Variants in NAV2 observed in about 807,000 individuals in gnomAD.
NAV2 encodes helicase, APC down-regulated 1.
In NAV2, 54 loss-of-function variants were observed where a neutral mutation model predicts 223.2. That is an observed-to-expected ratio of 0.24 (90% CI 0.19 to 0.30). The LOEUF (loss-of-function observed/expected upper bound fraction) is 0.30. Ranked by LOEUF, NAV2 falls within the 10% of genes least tolerant of loss-of-function variation. The pLI is 1.00. For synonymous variants in NAV2, 1,279 were observed against 1,239.3 expected (o/e 1.03, Z -0.67); for missense variants, 2,806 against 3,147.5 (o/e 0.89, Z 2.60).
intron 1 of NAV2, among the ~76,000 whole-genome samples, chr11:19,811,887 G>C (rs2058852576): frequency 6.6e-6 from 1 of 152,144 alleles, no homozygotes; most frequent in Non-Finnish European, 1.5e-5. Context: ...CTGGTCTAGT[G>C]GCTGAGAACT....
intron 3 of NAV2, among the ~76,000 whole-genome samples, chr11:19,859,906 C>G (rs867421605): frequency 0.057 from 7,509 of 132,812 alleles, 159 homozygotes; most frequent in Admixed American, 0.091. Flanking sequence ...GGGCGGCTGG[C>G]CGGGCAGAGG....
intron 1 of NAV2, among the ~76,000 whole-genome samples, chr11:19,608,233 T>C (rs1405040485): frequency 6.6e-6 from 1 of 152,200 alleles, no homozygotes; most frequent in Non-Finnish European, 1.5e-5. Context: ...TGCACGAACA[T>C]AGGTGTGTTC....
At chr11:19,682,772 C>G (rs1376609963) in intron 1 of NAV2, among the ~76,000 whole-genome samples, 3 of 152,196 alleles carry the variant, frequency 2.0e-5, no homozygotes, top group Non-Finnish European at 4.4e-5. Context: ...TGAGAACACA[C>G]TATCAGGAGT....
At chr11:19,440,380 G>T (rs897829796) in intron 1 of NAV2, among the ~76,000 whole-genome samples, 1 of 152,160 alleles carries the variant, frequency 6.6e-6, no homozygotes, top group Admixed American at 6.5e-5. Context: ...TTCAGGATGA[G>T]TTGGAGTTAG....
chr11:20,015,350 T>C (rs2053916712), intron 11 of NAV2, among the ~76,000 whole-genome samples: 2 of 152,292 alleles, frequency 1.3e-5, no homozygotes, highest in East Asian at 1.9e-4. Flanking sequence ...TGGGGTTTTA[T>C]GGGGTAATCT....
chr11:19,649,951 C>T (rs951035239), intron 1 of NAV2, among the ~76,000 whole-genome samples: 3 of 152,156 alleles, frequency 2.0e-5, no homozygotes, highest in South Asian at 2.1e-4. Flanking sequence ...GTATTGGCAA[C>T]GACATGAAGC....
chr11:20,009,622 G>A (rs1041718787), intron 11 of NAV2, among the ~76,000 whole-genome samples: 1 of 152,130 alleles, frequency 6.6e-6, no homozygotes, highest in Non-Finnish European at 1.5e-5. Context: ...TTTTCCAAAA[G>A]CAGTAAATGC....
chr11:19,975,359 T>C (rs985150626), intron 10 of NAV2, among the ~76,000 whole-genome samples: 5 of 152,264 alleles, frequency 3.3e-5, no homozygotes, highest in African/African-American at 9.6e-5. Flanking sequence ...ATAAGTACAC[T>C]ATTGTTATAA....
At chr11:19,791,498 G>A (rs2057517591) in intron 1 of NAV2, among the ~76,000 whole-genome samples, 1 of 152,192 alleles carries the variant, frequency 6.6e-6, no homozygotes, top group Admixed American at 6.5e-5. Flanking sequence ...GTTCAAAGGA[G>A]CATCTTAATC....
intron 1 of NAV2, among the ~76,000 whole-genome samples, chr11:19,673,956 T>G (rs890730026): frequency 1.3e-5 from 2 of 152,204 alleles, no homozygotes; most frequent in African/African-American, 4.8e-5. Flanking sequence ...GTGTGCTGCT[T>G]CTTGGGGCCA....
At chr11:19,575,967 G>T (rs894796407) in intron 1 of NAV2, among the ~76,000 whole-genome samples, 4 of 152,332 alleles carry the variant, frequency 2.6e-5, no homozygotes, top group Admixed American at 2.6e-4. Context: ...TAGATGCCCA[G>T]TTGAGCCTGG....
intron 6 of NAV2, chr11:19,931,619 G>T (rs1018543650): frequency 6.8e-6 from 1 of 146,514 alleles, no homozygotes; most frequent in African/African-American, 2.5e-5. Context: ...AGCAGAAGAA[G>T]CAGCCGTTAA....
Position 19,630,922 on chromosome 11 carries a change from C to CAAAA in NAV2, c.76-201550_76-201547dup, listed in dbSNP as rs10642100. Among the ~76,000 whole-genome samples the CAAAA allele has an allele frequency of 9.8e-3, 981 of 100,108 alleles. 33 individuals carry two copies. Among genetic ancestry groups the CAAAA allele is most frequent in the African/African-American group, 0.04 (933 of 23,256 alleles). 65.7% of individuals were successfully genotyped at this position (100,108 alleles called of 152,430 possible). A position where few individuals can be genotyped will look rare whatever the true frequency, so the allele number is the denominator to read the frequency against. ...CACCCCAAAACAAAGGGTCCTGTTG[C>CAAAA]AAAAAAAAAAAAAAAGGAAAAAAGA... On this transcript the variant is annotated intron_variant, in intron 1 of 37. Transcript: ENST00000360655.
At chr11:20,068,897 C>G (rs1453940250) in intron 22 of NAV2, among the ~76,000 whole-genome samples, 1 of 152,118 alleles carries the variant, frequency 6.6e-6, no homozygotes. Flanking sequence ...CAGCTATGCC[C>G]CGGGCACTGT....
intron 1 of NAV2, among the ~76,000 whole-genome samples, chr11:19,728,851 T>C (rs1203449136): frequency 6.6e-6 from 1 of 152,250 alleles, no homozygotes; most frequent in African/African-American, 2.4e-5. Flanking sequence ...TATATTAGTG[T>C]AATTTGGTAA....
intron 1 of NAV2, chr11:19,506,204 C>T (rs534902335): frequency 1.3e-5 from 2 of 152,346 alleles, no homozygotes; most frequent in Non-Finnish European, 2.9e-5. Flanking sequence ...AGACCAGTTC[C>T]CACCCCATGC....
intron 20 of NAV2, among the ~76,000 whole-genome samples, chr11:20,065,953 A>C (rs2059020750): frequency 6.6e-6 from 1 of 152,256 alleles, no homozygotes; most frequent in South Asian, 2.1e-4. Flanking sequence ...CTCTGGAGCC[A>C]GACTACTTTA....
chr11:19,972,277 G>A (rs1320963539), intron 10 of NAV2, among the ~76,000 whole-genome samples: 2 of 152,204 alleles, frequency 1.3e-5, no homozygotes, highest in African/African-American at 4.8e-5. Context: ...AGCTGCCTGT[G>A]TACAGTTTCT....
Position 20,093,546 on chromosome 11 carries a change from A to G in NAV2, c.5916+347A>G, listed in dbSNP as rs551612050. Among the ~76,000 whole-genome samples the G allele has an allele frequency of 2.0e-5, 3 of 152,340 alleles. No homozygotes were observed. In the South Asian group the frequency reaches 6.2e-4, roughly 32 times the overall value. ...TCAGAGGCAGCTATGCACATTCAGC[A>G]TGTAAGGTACAGAAATAAACTGACC... is the stretch of plus-strand genomic sequence containing the variant. On this transcript the variant is annotated intron_variant, in intron 29 of 37. Coordinates refer to ENST00000349880, the MANE Select transcript of NAV2 (RefSeq NM_145117.5).
Sources: gnomAD v4.1 joint callset for allele counts (sites outside exome capture counted in the v4.1 genomes callset) on GRCh38, gnomAD v4.1.1 for gene constraint, MANE v1.5 for transcripts, NCBI Gene and HGNC (gene_info 2026-07-23, HGNC 2026-07-21) for gene names.